NCL: variants seen among roughly 807,000 people sequenced by gnomAD.
NCL encodes the protein nucleolin multifunctional protein.
A neutral mutation model predicts 77.7 loss-of-function variants in NCL; 4 were observed. The ratio of observed to expected loss-of-function variants is 0.05; its 90% confidence interval spans 0.03 to 0.12. The LOEUF (loss-of-function observed/expected upper bound fraction) is 0.12. Among genes scored for constraint, NCL ranks in the 10% least tolerant of loss-of-function variants. The pLI, the probability that NCL is intolerant of heterozygous loss-of-function variation, is 1.00. For missense variants in NCL, 763 were observed against 860.9 expected (o/e 0.89, Z 1.42); for synonymous variants, 344 against 297.8 (o/e 1.16, Z -1.60).
intron 11 of NCL, 80 bp from the exon 12 acceptor site, chr2:231,456,216 C>T (rs2046886432): frequency 1.3e-6 from 2 of 1,553,784 alleles, no homozygotes; most frequent in Non-Finnish European, 1.8e-6. Context: ...AGTATGACTA[C>T]TAGCCAAGAA....
intron 7 of NCL, 126 bp downstream of exon 7, chr2:231,458,875 G>C: frequency 9.3e-7 from 1 of 1,072,268 alleles, no homozygotes; most frequent in African/African-American, 1.6e-5. Context: ...CCCACATTAA[G>C]AGGAAACCAA....
At chr2:231,458,466 AAC>A (rs943483983) in intron 7 of NCL, 77 bp from the exon 8 acceptor site, 5 of 1,509,710 alleles carry the variant, frequency 3.3e-6, no homozygotes, top group African/African-American at 1.4e-5. Context: ...AGAGGGGAAA[AAC>A]ACACATAGCT....
Position 231,460,712 on chromosome 2 carries a change from ATCATCT to A in NCL, c.762_767del (p.Glu254_Asp255del), listed in dbSNP as rs751264774. 5.6e-6 allele frequency: 9 copies of A among 1,609,874 alleles called. No individual in the cohort carries two copies. In the Admixed American group the frequency reaches 6.7e-5, roughly 12 times the overall value. ...CCTCCTCCTCATCATCTTCATCATC[ATCATCT>A]TCATCATCTTCGTCGTCGTCGTCAT... On this transcript the variant is annotated inframe_deletion, in exon 4 of 14. Transcript: ENST00000322723.
At chr2:231,464,086 C>A in intron 1 of NCL, 1 of 1,351,342 alleles carries the variant, frequency 7.4e-7, no homozygotes, top group Admixed American at 3.0e-5. Flanking sequence ...AGGCCCAGCG[C>A]CCCCTCCCCG....
Position 231,461,940 on chromosome 2 carries a change from C to G in NCL, c.213G>C (p.Lys71Asn), listed in dbSNP as rs2046956350. Residue 71 changes from lysine (K) to asparagine (N), a missense_variant, in exon 3 of 14, where the codon AAG (lysine) becomes AAC (asparagine). This residue lies in a region of NCL where 590 missense variants were observed against 570.5 expected (regional missense o/e 1.03). Transcript: ENST00000322723. ...AKKVVVSPTK[K>N]VAVATPAKKA... The stretch of plus-strand genomic sequence containing the variant: ...TCTTGGCTGGTGTGGCAACTGCAAC[C>G]TTTTTTGTTGGGGAAACGACCACCT... The G allele has an allele frequency of 6.2e-7, 1 of 1,614,204 alleles. No individual in the cohort carries two copies. Among genetic ancestry groups the G allele is most frequent in the Non-Finnish European group, 8.5e-7 (1 of 1,180,028 alleles).
chr2:231,463,442 A>C (rs2046970845), intron 1 of NCL, 126 bp from the exon 2 acceptor site: 3 of 740,738 alleles, frequency 4.1e-6, no homozygotes, highest in Non-Finnish European at 7.2e-6. Context: ...GCCAAACACC[A>C]CAACTAACAT....
chr2:231,455,096 G>C lies in NCL; in HGVS notation c.*95C>G. 7.3e-7 allele frequency: 1 copy of C among 1,363,676 alleles called. No homozygotes were observed. Among genetic ancestry groups the C allele is most frequent in the Non-Finnish European group, 1.0e-6 (1 of 959,400 alleles). 84.5% of individuals were successfully genotyped at this position (1,363,676 alleles called of 1,614,324 possible). A position where few individuals can be genotyped will look rare whatever the true frequency, so the allele number is the denominator to read the frequency against. ...GACCACAGGACTGTATACTGTCTTG[G>C]AATGTCCTCAGAAGGCTCTGTCATT... is the stretch of plus-strand genomic sequence containing the variant. On this transcript the variant is annotated 3_prime_UTR_variant, in exon 14 of 14. Transcript: ENST00000322723.
intron 6 of NCL, 34 bp downstream of exon 6, chr2:231,460,118 C>A: frequency 6.3e-7 from 1 of 1,588,714 alleles, no homozygotes; most frequent in Non-Finnish European, 8.6e-7. Flanking sequence ...CATTAACAGA[C>A]CCACGTGTAT....
Position 231,461,718 on chromosome 2 carries a change from A to G in NCL, c.435T>C (p.Ser145=), listed in dbSNP as rs1373402527. The part of the protein sequence containing the change: ...KNGKNAKKED[S]DEEEDDDSEE... ...CACTGTCATCATCCTCCTCTTCATC[A>G]CTGTCTTCCTTCTTGGCATTCTTGC... Residue 145 remains serine (S), a synonymous_variant, in exon 3 of 14, where the codon AGT becomes AGC. Coordinates refer to ENST00000322723, the MANE Select transcript of NCL (RefSeq NM_005381.3). The G allele has an allele frequency of 6.2e-7, 1 of 1,613,918 alleles. No homozygotes were observed. Among genetic ancestry groups the G allele is most frequent in the Admixed American group, 1.7e-5 (1 of 59,988 alleles).
intron 8 of NCL, among the ~76,000 whole-genome samples, chr2:231,458,003 C>T (rs1279964129): frequency 6.6e-6 from 1 of 152,212 alleles, no homozygotes; most frequent in African/African-American, 2.4e-5. Flanking sequence ...AACCTCACCT[C>T]ACTGAAAGAA....
chr2:231,453,848 C>G lies in NCL; in HGVS notation c.*1343G>C, dbSNP rs952848352. The G allele has an allele frequency of 1.3e-5, 2 of 152,190 alleles. No homozygotes were observed. The highest frequency in any genetic ancestry group is 2.9e-5 in the Non-Finnish European group (2 of 68,042). 9.4% of individuals were successfully genotyped at this position (152,190 alleles called of 1,614,324 possible). Reference sequence around the variant, plus strand: ...CTTCACGTTTCCTTCTAAGCTTATCCAAGTATCACAGTTTGATTTCACTAG... The same window carrying G: ...CTTCACGTTTCCTTCTAAGCTTATCGAAGTATCACAGTTTGATTTCACTAG... On this transcript the variant is annotated 3_prime_UTR_variant, in exon 14 of 14. Coordinates refer to ENST00000322723, the MANE Select transcript of NCL (RefSeq NM_005381.3).
Position 231,461,814 on chromosome 2 carries a change from T to C in NCL, c.339A>G (p.Thr113=). The change falls in exon 3 of 14, where the codon ACA becomes ACG. Residue 113 remains threonine, a synonymous_variant. Coordinates refer to ENST00000322723, the MANE Select transcript of NCL (RefSeq NM_005381.3). ...GAGTTGCTACCAATGCTTTGCCTGG[T>C]GTGGCTCCCTTCTTGCCAGGTGTGG... The part of the protein sequence containing the change: ...AVTTPGKKGA[T]PGKALVATPG... 6.2e-7 allele frequency: 1 copy of C among 1,613,554 alleles called. No homozygotes were observed. The highest frequency in any genetic ancestry group is 8.5e-7 in the Non-Finnish European group (1 of 1,179,954).
rs751558153 is a variant in NCL at position 231,460,758 on chromosome 2, T to A, written c.722A>T (p.Asp241Val). The A allele has an allele frequency of 1.1e-5, 17 of 1,613,712 alleles. 1 individual carries two copies. Among genetic ancestry groups the A allele is most frequent in the South Asian group, 2.2e-5 (2 of 91,074 alleles). The part of the protein sequence containing the change: ...NVAEDEDEEE[D>V]DEDEDDDDDE... ...GTCGTCGTCATCCTCGTCCTCATCA[T>A]CCTCTTCTTCATCTTCATCCTCAGC... The change falls in exon 4 of 14, where the codon GAT (aspartate) becomes GTT (valine). Residue 241 changes from aspartate (D) to valine (V), a missense_variant. By Grantham distance (152) the Asp-to-Val change is radical. Coordinates refer to ENST00000322723, the MANE Select transcript of NCL (RefSeq NM_005381.3).
intron 9 of NCL, 171 bp from the exon 10 acceptor site, chr2:231,457,295 G>A (rs745500244): frequency 5.3e-6 from 5 of 943,154 alleles, no homozygotes; most frequent in African/African-American, 1.6e-5. Flanking sequence ...CCTAGTACGT[G>A]TTGCAATGTC....
rs769530501 is a variant in NCL at position 231,464,320 on chromosome 2, G to A, written c.18+16C>T. On this transcript the variant is annotated intron_variant, in intron 1 of 13. Coordinates refer to ENST00000322723, the MANE Select transcript of NCL (RefSeq NM_005381.3). ...AGCAGGCCTACACGTCTGCGCTCGC[G>A]CTCAAGGCCGTTTACCTTCGCGAGC... 6.3e-7 allele frequency: 1 copy of A among 1,588,552 alleles called. No homozygotes were observed. Among genetic ancestry groups the A allele is most frequent in the South Asian group, 1.1e-5 (1 of 87,554 alleles).
rs1201979633 is a variant in NCL at position 231,454,250 on chromosome 2, ACT to A, written c.*939_*940del. 4 of 151,610 alleles carry A rather than the reference ACT, an allele frequency of 2.6e-5. No homozygotes were observed. The highest frequency in any genetic ancestry group is 7.3e-5 in the African/African-American group (3 of 41,164). 9.4% of individuals were successfully genotyped at this position (151,610 alleles called of 1,614,324 possible). ...TCACTCTGCTTCCCGGGTTCACGTG[ACT>A]CTCCCGCTTCAGCCTCCTGAGTAGC... is the stretch of plus-strand genomic sequence containing the variant. On this transcript the variant is annotated 3_prime_UTR_variant, in exon 14 of 14. Coordinates refer to ENST00000322723, the MANE Select transcript of NCL (RefSeq NM_005381.3).
chr2:231,460,694 CTCATCATCTTCA>C lies in NCL; in HGVS notation c.774_785del (p.Asp258_Asp261del). 1 of 1,609,862 alleles carries C rather than the reference CTCATCATCTTCA, an allele frequency of 6.2e-7. No homozygotes were observed. The highest frequency in any genetic ancestry group is 8.5e-7 in the Non-Finnish European group (1 of 1,177,376). On this transcript the variant is annotated inframe_deletion, in exon 4 of 14. Transcript: ENST00000322723. Reference sequence around the variant, plus strand: ...CTTCCTCCTCCTCTTCTTCCTCCTCCTCATCATCTTCATCATCATCATCTTCATCATCTTCGT... The same window carrying C: ...CTTCCTCCTCCTCTTCTTCCTCCTCCTCATCATCATCTTCATCATCTTCGT...
At chr2:231,456,346 G>T in intron 11 of NCL, 1 of 874,738 alleles carries the variant, frequency 1.1e-6, no homozygotes, top group East Asian at 2.4e-5. Context: ...TCCTGCCCCA[G>T]ATCTTCTATG....
chr2:231,457,360 G>A, intron 9 of NCL: 1 of 770,840 alleles, frequency 1.3e-6, no homozygotes, highest in Non-Finnish European at 2.3e-6. Context: ...AGAATCATCT[G>A]AGTTCAAAAC....
Sources: gnomAD v4.1 joint callset for allele counts (sites outside exome capture counted in the v4.1 genomes callset) on GRCh38, gnomAD v4.1.1 for gene constraint, gnomAD v4.1.1 regional missense constraint, MANE v1.5 for transcripts, NCBI Gene and HGNC (gene_info 2026-07-23, HGNC 2026-07-21) for gene names.